The following LARP1B variants were observed in gnomAD, a reference collection of about 807,000 sequenced individuals.
LARP1B encodes la-related protein 1B.
Under a neutral mutation model 114.2 loss-of-function variants are expected in LARP1B, and 76 were observed. The observed-to-expected ratio is 0.67, with a 90% confidence interval of 0.55 to 0.81. The LOEUF is 0.81. LARP1B is among the 30% of genes least tolerant of loss of function. LARP1B has a pLI of 0.00. For missense variants in LARP1B, 1,014 were observed against 1,075.8 expected (o/e 0.94, Z 0.80); for synonymous variants, 345 against 348.0 (o/e 0.99, Z 0.10).
chr4:128,063,351 C>A (rs1761062159), intron 1 of LARP1B, among the ~76,000 whole-genome samples: 1 of 138,126 alleles, frequency 7.2e-6, no homozygotes, highest in East Asian at 2.2e-4. Context: ...TCGCTTGAAC[C>A]CGGGAGGTGG....
chr4:128,078,097 G>GATAAACAA, intron 4 of LARP1B, 135 bp downstream of exon 4: 2 of 562,596 alleles, frequency 3.6e-6, no homozygotes, highest in Non-Finnish European at 2.9e-6. Flanking sequence ...ATCTGCAGAG[G>GATAAACAA]TAACTCATTT....
At chr4:128,137,868 C>G (rs1310415752) in intron 11 of LARP1B, among the ~76,000 whole-genome samples, 1 of 151,022 alleles carries the variant, frequency 6.6e-6, no homozygotes, top group East Asian at 1.9e-4. Flanking sequence ...GATCTCAGCT[C>G]ACTGCAACCA....
At chr4:128,098,455 C>G in intron 8 of LARP1B, 125 bp downstream of exon 8, 1 of 683,352 alleles carries the variant, frequency 1.5e-6, no homozygotes, top group Non-Finnish European at 2.3e-6. Flanking sequence ...AGACAGCATT[C>G]CATGATGTTT....
chr4:128,061,608 C>A, intron 1 of LARP1B: 1 of 896,734 alleles, frequency 1.1e-6, no homozygotes, highest in Non-Finnish European at 1.3e-6. Flanking sequence ...CCAGTTGGAG[C>A]CGGCCGGTGT....
intron 12 of LARP1B, among the ~76,000 whole-genome samples, chr4:128,171,578 G>A (rs1043888926): frequency 6.6e-6 from 1 of 152,086 alleles, no homozygotes; most frequent in Non-Finnish European, 1.5e-5. Flanking sequence ...TATTTATCTG[G>A]ACCTTTACCG....
intron 12 of LARP1B, among the ~76,000 whole-genome samples, chr4:128,164,018 C>T (rs1022863418): frequency 8.6e-5 from 13 of 151,938 alleles, no homozygotes; most frequent in East Asian, 1.9e-4. Flanking sequence ...AAATATATTA[C>T]GTATTCATGT....
Position 128,122,438 on chromosome 4 carries a change from G to GTTTTTTTTTTTTTT in LARP1B, c.1524+252_1524+265dup, listed in dbSNP as rs377102754. 15 of 1,189,624 alleles carry GTTTTTTTTTTTTTT rather than the reference G, an allele frequency of 1.3e-5. No individual in the cohort carries two copies. In the African/African-American group the frequency reaches 1.3e-4, roughly 11 times the overall value. The allele number at this position is 1,189,624 out of a possible 1,614,324, so 73.7% of individuals were successfully genotyped here. ...TTAGTACTCACTGACTTATACCCTT[G>GTTTTTTTTTTTTTT]TTTTTTTTTTTTTTTGTTTTGTTTT... On this transcript the variant is annotated intron_variant, in intron 11 of 19. Transcript: ENST00000326639.
chr4:128,142,716 C>G (rs984517631), intron 11 of LARP1B, among the ~76,000 whole-genome samples: 1 of 151,924 alleles, frequency 6.6e-6, no homozygotes, highest in Non-Finnish European at 1.5e-5. Flanking sequence ...CCATGTTTCT[C>G]AAACTGGTCT....
chr4:128,131,556 G>A (rs759676079), intron 11 of LARP1B, among the ~76,000 whole-genome samples: 31 of 152,030 alleles, frequency 2.0e-4, no homozygotes, highest in Admixed American at 1.0e-3. Flanking sequence ...TCTAAAAAAC[G>A]TAAAGATATA....
intron 6 of LARP1B, among the ~76,000 whole-genome samples, chr4:128,219,047 CTCA>C (rs1314734482): frequency 7.0e-6 from 1 of 142,434 alleles, no homozygotes; most frequent in Non-Finnish European, 1.5e-5. Context: ...TGAAAAAATG[CTCA>C]TCATCACTGG....
chr4:128,166,939 T>C (rs1741125217), intron 12 of LARP1B, among the ~76,000 whole-genome samples: 1 of 40,196 alleles, frequency 2.5e-5, no homozygotes, highest in East Asian at 1.3e-3. Context: ...ATTCTCTCTC[T>C]CTCTCTCTCT....
rs777264132 is a variant in LARP1B at position 128,130,048 on chromosome 4, C to T, written c.1524+7860C>T. On this transcript the variant is annotated intron_variant, in intron 11 of 19. Coordinates refer to ENST00000326639, the MANE Select transcript of LARP1B (RefSeq NM_018078.4). Reference sequence around the variant, plus strand: ...CAGAACTTCTGCCCAGTGAAAGATACTGTCAAGAGAATGAGGAAGGCCAGG... The same window carrying T: ...CAGAACTTCTGCCCAGTGAAAGATATTGTCAAGAGAATGAGGAAGGCCAGG... Among the ~76,000 whole-genome samples, 31 of 152,226 alleles carry T rather than the reference C, an allele frequency of 2.0e-4. No individual in the cohort carries two copies. The South Asian group carries it at 2.7e-3, about 13-fold the overall frequency.
intron 5 of LARP1B, among the ~76,000 whole-genome samples, chr4:128,088,474 C>T (rs1332439331): frequency 6.6e-6 from 1 of 152,018 alleles, no homozygotes; most frequent in African/African-American, 2.4e-5. Context: ...TCTTTTCCTG[C>T]TGAAAGGCTG....
At chr4:128,068,685 T>C (rs1156942487) in intron 1 of LARP1B, among the ~76,000 whole-genome samples, 1 of 152,120 alleles carries the variant, frequency 6.6e-6, no homozygotes, top group Non-Finnish European at 1.5e-5. Context: ...AGTGCTGCTA[T>C]TACAGGTGTG....
intron 11 of LARP1B, among the ~76,000 whole-genome samples, chr4:128,149,242 C>G (rs969011874): frequency 3.9e-5 from 6 of 152,122 alleles, no homozygotes; most frequent in African/African-American, 1.4e-4. Flanking sequence ...CTACAGTACT[C>G]TGAAGATTGG....
chr4:128,162,803 C>G (rs1183213819), intron 12 of LARP1B, among the ~76,000 whole-genome samples: 3 of 152,074 alleles, frequency 2.0e-5, no homozygotes, highest in Non-Finnish European at 1.5e-5. Flanking sequence ...CACACATATA[C>G]AAAGATAGAG....
intron 11 of LARP1B, chr4:128,122,856 T>G (rs749174124): frequency 1.9e-6 from 2 of 1,029,304 alleles, no homozygotes; most frequent in Non-Finnish European, 2.3e-6. Context: ...CAGAATAGTT[T>G]ATCAGGTATC....
chr4:128,185,013 C>T (rs1463321937), intron 15 of LARP1B, among the ~76,000 whole-genome samples: 1 of 151,986 alleles, frequency 6.6e-6, no homozygotes, highest in Non-Finnish European at 1.5e-5. Flanking sequence ...TACATATATA[C>T]ACATATACAT....
intron 5 of LARP1B, among the ~76,000 whole-genome samples, chr4:128,084,110 G>A (rs1274719201): frequency 3.9e-5 from 6 of 151,940 alleles, no homozygotes; most frequent in Admixed American, 2.6e-4. Flanking sequence ...ATGGGATGGC[G>A]GCCGGCAGAG....
Sources: allele counts gnomAD v4.1 joint callset (sites outside exome capture counted in the v4.1 genomes callset), GRCh38; gene constraint gnomAD v4.1.1; transcripts MANE v1.5; gene names NCBI Gene and HGNC (gene_info 2026-07-23, HGNC 2026-07-21).